The following TRPM3 variants were observed in gnomAD, a reference collection of about 807,000 sequenced individuals.
TRPM3 encodes the protein transient receptor potential cation channel subfamily M member 3.
TRPM3 carries 77 observed loss-of-function variants against 181.2 expected under a neutral mutation model. That is an observed-to-expected ratio of 0.42 (90% CI 0.35 to 0.51). TRPM3 has a LOEUF of 0.51. Among genes scored for constraint, TRPM3 ranks in the 20% least tolerant of loss-of-function variants. The pLI is 0.01. For missense variants in TRPM3, 1,759 were observed against 2,196.7 expected, an observed-to-expected ratio of 0.80 and a Z score of 3.98; for synonymous variants, 745 against 796.4, an observed-to-expected ratio of 0.94 and a Z score of 1.09.
intron 1 of TRPM3, among the ~76,000 whole-genome samples, chr9:71,287,184 T>G (rs1002222345): frequency 1.5e-4 from 23 of 148,904 alleles, no homozygotes; most frequent in African/African-American, 5.2e-4. Context: ...CATAATAAGA[T>G]AGTATCGGGA....
chr9:70,816,336 G>A (rs1189164734), intron 6 of TRPM3, among the ~76,000 whole-genome samples: 2 of 152,200 alleles, frequency 1.3e-5, no homozygotes, highest in Non-Finnish European at 2.9e-5. Flanking sequence ...TGTTATTAAA[G>A]TATAAGAATG....
In TRPM3 at chr9:70,876,020, A is replaced by C. The variant is rs377607160; in HGVS notation, c.178-11509T>G. Among the ~76,000 whole-genome samples, 33 of 151,980 alleles carry C rather than the reference A, an allele frequency of 2.2e-4. No homozygotes were observed. In the East Asian group the frequency reaches 2.3e-3, roughly 11 times the overall value. On this transcript the variant is annotated intron_variant, in intron 1 of 25. Transcript: ENST00000677713. ...AGAATTATGCAGATTTAGATCCTCA[A>C]CTGCTCCAAATAAAAAGGTAGAAGG...
intron 1 of TRPM3, among the ~76,000 whole-genome samples, chr9:71,395,008 G>T (rs2093156675): frequency 6.6e-6 from 1 of 152,160 alleles, no homozygotes; most frequent in South Asian, 2.1e-4. Context: ...GCAACTGGAA[G>T]TACCACTGTC....
intron 1 of TRPM3, among the ~76,000 whole-genome samples, chr9:71,263,004 G>A (rs1040645298): frequency 6.6e-6 from 1 of 152,116 alleles, no homozygotes; most frequent in African/African-American, 2.4e-5. Context: ...AACTGTATTT[G>A]ATTATCTAAT....
chr9:71,404,938 G>T (rs547744763), intron 1 of TRPM3, among the ~76,000 whole-genome samples: 1 of 152,176 alleles, frequency 6.6e-6, no homozygotes, highest in East Asian at 1.9e-4. Flanking sequence ...TGCATTGTAA[G>T]GTCCTCTTCA....
chr9:71,426,247 C>T (rs34064868), intron 1 of TRPM3, among the ~76,000 whole-genome samples: 14,077 of 151,396 alleles, frequency 0.093, 691 homozygotes, highest in South Asian at 0.16. Context: ...AAATGACATC[C>T]ATACTGGGAA....
chr9:71,110,078 A>G (rs2070724170), intron 1 of TRPM3, among the ~76,000 whole-genome samples: 1 of 152,192 alleles, frequency 6.6e-6, no homozygotes, highest in Non-Finnish European at 1.5e-5. Context: ...CCTACCCCTC[A>G]TAAGATAGCC....
intron 14 of TRPM3, among the ~76,000 whole-genome samples, chr9:70,624,990 C>T (rs1296303425): frequency 6.6e-6 from 1 of 152,074 alleles, no homozygotes; most frequent in Non-Finnish European, 1.5e-5. Context: ...GGTATAAAGA[C>T]CCAAAACCTG....
In TRPM3 at chr9:70,620,185, C is replaced by T. The variant is rs945556360; in HGVS notation, c.2020G>A (p.Ala674Thr). The change falls in exon 16 of 26, where the codon GCC (alanine) becomes ACC (threonine). Residue 674 changes from alanine to threonine, a missense_variant. Physicochemically the swap from Ala to Thr is moderately conservative, Grantham distance 58. This residue lies in a region of TRPM3 where 737 missense variants were observed against 957.4 expected (regional missense o/e 0.77). Transcript: ENST00000677713. The part of the protein sequence containing the change: ...ALFFWQHGEE[A>T]MAKALVACKL... Reference sequence around the variant, plus strand: ...CAGGCCACCAGGGCCTTGGCCATGGCCTCCTCACCGTGCTGCCAGAAGAAC... The same window carrying T: ...CAGGCCACCAGGGCCTTGGCCATGGTCTCCTCACCGTGCTGCCAGAAGAAC... The T allele has an allele frequency of 9.3e-6, 15 of 1,614,120 alleles. No homozygotes were observed. Among genetic ancestry groups the T allele is most frequent in the Non-Finnish European group, 1.3e-5 (15 of 1,180,058 alleles).
chr9:70,952,609 T>A (rs1182504314), intron 1 of TRPM3, among the ~76,000 whole-genome samples: 1 of 152,140 alleles, frequency 6.6e-6, no homozygotes, highest in Non-Finnish European at 1.5e-5. Context: ...GAAAGTTAAG[T>A]AAAAATTCAT....
intron 1 of TRPM3, among the ~76,000 whole-genome samples, chr9:71,397,259 T>G (rs748344987): frequency 2.0e-5 from 3 of 152,236 alleles, no homozygotes; most frequent in Non-Finnish European, 4.4e-5. Flanking sequence ...TGGAGGGTAT[T>G]GGTCAGGGAA....
intron 1 of TRPM3, among the ~76,000 whole-genome samples, chr9:71,399,915 A>T (rs1453990184): frequency 6.6e-6 from 1 of 152,126 alleles, no homozygotes; most frequent in African/African-American, 2.4e-5. Flanking sequence ...TGAAAATTTT[A>T]AAAAATCCTG....
intron 7 of TRPM3, 114 bp downstream of exon 7, chr9:70,783,991 C>T (rs1317537306): frequency 8.0e-5 from 119 of 1,484,932 alleles, no homozygotes; most frequent in Non-Finnish European, 9.0e-6. Flanking sequence ...ACAATTTGTT[C>T]ATAGCTTGTT....
chr9:71,083,221 A>C (rs1351481025), intron 1 of TRPM3, among the ~76,000 whole-genome samples: 3 of 152,136 alleles, frequency 2.0e-5, no homozygotes, highest in Admixed American at 2.0e-4. Context: ...TTTCAGTCTC[A>C]TAATGATAAC....
rs190443452 is a variant in TRPM3 at position 70,668,194 on chromosome 9, C to A, written c.1345+13312G>T. Reference sequence around the variant, plus strand: ...ATGCTCAGAATGCAGAGCAAGTGTCCTGGACTCAGACAAACTGGGTTCACG... The same window carrying A: ...ATGCTCAGAATGCAGAGCAAGTGTCATGGACTCAGACAAACTGGGTTCACG... On this transcript the variant is annotated intron_variant, in intron 9 of 25. Coordinates refer to ENST00000677713, the MANE Select transcript of TRPM3 (RefSeq NM_001366145.2). Among the ~76,000 whole-genome samples, 19 of 152,208 alleles carry A rather than the reference C, an allele frequency of 1.2e-4. No individual in the cohort carries two copies. The East Asian group carries it at 3.7e-3, about 29-fold the overall frequency.
chr9:71,250,750 A>AG (rs1186639340), intron 1 of TRPM3, among the ~76,000 whole-genome samples: 1 of 152,170 alleles, frequency 6.6e-6, no homozygotes, highest in Non-Finnish European at 1.5e-5. Flanking sequence ...CCAGAAGCAG[A>AG]GGGATCAGGA....
chr9:71,058,260 G>A (rs773382778), intron 1 of TRPM3, among the ~76,000 whole-genome samples: 3 of 152,146 alleles, frequency 2.0e-5, no homozygotes, highest in African/African-American at 4.8e-5. Context: ...CTATAAGCCT[G>A]CATGGCTTAT....
chr9:70,568,646 A>C (rs2051309225), intron 22 of TRPM3, among the ~76,000 whole-genome samples: 1 of 152,232 alleles, frequency 6.6e-6, no homozygotes, highest in Non-Finnish European at 1.5e-5. Flanking sequence ...ATTGAAACAC[A>C]AATAGGCAAG....
At chr9:70,822,932 G>A (rs908126462) in intron 6 of TRPM3, among the ~76,000 whole-genome samples, 7 of 151,980 alleles carry the variant, frequency 4.6e-5, no homozygotes, top group South Asian at 2.1e-4. Flanking sequence ...GCAAGGGCCC[G>A]GTGTTTTCAT....
Sources: allele counts gnomAD v4.1 joint callset (sites outside exome capture counted in the v4.1 genomes callset), GRCh38; gene constraint gnomAD v4.1.1; regional missense constraint gnomAD v4.1.1; transcripts MANE v1.5; gene names NCBI Gene and HGNC (gene_info 2026-07-23, HGNC 2026-07-21).